SEMA6D: variants seen among roughly 807,000 people sequenced by gnomAD.
SEMA6D encodes the protein semaphorin 6D, also known as semaphorin-6D.
In SEMA6D, 35 loss-of-function variants were observed where a neutral mutation model predicts 106.6. The observed-to-expected ratio is 0.33, with a 90% confidence interval of 0.25 to 0.44. The LOEUF is 0.44. Among genes scored for constraint, SEMA6D ranks in the 20% least tolerant of loss-of-function variants. The probability of loss-of-function intolerance (pLI) is 1.00; values close to 1 mark genes in which losing one functional copy is unlikely to be tolerated. For missense variants in SEMA6D, 1,185 were observed against 1,345.9 expected (o/e 0.88, Z 1.87); for synonymous variants, 499 against 487.7 (o/e 1.02, Z -0.31).
chr15:47,446,655 G>A (rs1460029491), intron 2 of SEMA6D, among the ~76,000 whole-genome samples: 1 of 151,998 alleles, frequency 6.6e-6, no homozygotes, highest in Non-Finnish European at 1.5e-5. Context: ...TCTTTTCAAT[G>A]TTATTTTAAT....
intron 4 of SEMA6D, among the ~76,000 whole-genome samples, chr15:47,642,762 G>T (rs755500984): frequency 3.9e-5 from 6 of 152,152 alleles, no homozygotes; most frequent in African/African-American, 7.2e-5. Context: ...GGCCATCTCC[G>T]AAAGGGCAGG....
intron 3 of SEMA6D, among the ~76,000 whole-genome samples, chr15:47,584,191 G>A (rs537946145): frequency 1.2e-4 from 19 of 152,222 alleles, no homozygotes; most frequent in African/African-American, 4.6e-4. Flanking sequence ...GGGAGTCCAG[G>A]GCAGATGGAT....
intron 3 of SEMA6D, among the ~76,000 whole-genome samples, chr15:47,497,778 C>A (rs2043717832): frequency 6.6e-6 from 1 of 152,056 alleles, no homozygotes; most frequent in Non-Finnish European, 1.5e-5. Flanking sequence ...ACTGTAGTAC[C>A]ATACTATCAT....
intron 1 of SEMA6D, among the ~76,000 whole-genome samples, chr15:47,202,473 C>CA (rs1227869773): frequency 6.6e-6 from 1 of 152,062 alleles, no homozygotes; most frequent in African/African-American, 2.4e-5. Context: ...CTCCAGTAGA[C>CA]ACACTGTACA....
At chr15:47,569,765 T>G (rs1183810170) in intron 3 of SEMA6D, among the ~76,000 whole-genome samples, 2 of 152,090 alleles carry the variant, frequency 1.3e-5, no homozygotes, top group African/African-American at 4.8e-5. Context: ...ATGGATCATT[T>G]TATAAGGATT....
At chr15:47,700,160 T>C (rs2078780782) in intron 4 of SEMA6D, among the ~76,000 whole-genome samples, 1 of 152,206 alleles carries the variant, frequency 6.6e-6, no homozygotes, top group Non-Finnish European at 1.5e-5. Context: ...GGATATTCAA[T>C]GTTCATGGAT....
intron 1 of SEMA6D, among the ~76,000 whole-genome samples, chr15:47,348,727 C>CACCACACACAGAGAGAG (rs1450109233): frequency 3.5e-5 from 2 of 57,054 alleles, no homozygotes; most frequent in African/African-American, 9.9e-5. Flanking sequence ...ACCACACACA[C>CACCACACACAGAGAGAG]AGAGAGAGAG....
chr15:47,722,124 G>A, intron 1 of SEMA6D, among the ~76,000 whole-genome samples: 1 of 152,094 alleles, frequency 6.6e-6, no homozygotes, highest in East Asian at 1.9e-4. Flanking sequence ...TTGCCACCTT[G>A]CAATGGTGTG....
chr15:47,669,926 G>T (rs1013554741), intron 4 of SEMA6D, among the ~76,000 whole-genome samples: 11 of 152,182 alleles, frequency 7.2e-5, no homozygotes, highest in Non-Finnish European at 1.5e-4. Flanking sequence ...GTGAGGTTTT[G>T]ATAACTTTTG....
At chr15:47,429,113 C>A (rs1163152491) in intron 2 of SEMA6D, among the ~76,000 whole-genome samples, 1 of 151,914 alleles carries the variant, frequency 6.6e-6, no homozygotes, top group Non-Finnish European at 1.5e-5. Flanking sequence ...TGTAAGGCTT[C>A]CTGAGAAGAG....
intron 1 of SEMA6D, among the ~76,000 whole-genome samples, chr15:47,346,997 C>T (rs1172600386): frequency 1.3e-5 from 2 of 152,126 alleles, no homozygotes; most frequent in Non-Finnish European, 2.9e-5. Flanking sequence ...CAACTTCCCC[C>T]TCCCGGGTTC....
intron 2 of SEMA6D, among the ~76,000 whole-genome samples, chr15:47,454,520 C>G (rs2042286091): frequency 6.6e-6 from 1 of 151,754 alleles, no homozygotes; most frequent in African/African-American, 2.4e-5. Flanking sequence ...GAGATGGGCA[C>G]TGGAGGTGAA....
intron 4 of SEMA6D, among the ~76,000 whole-genome samples, chr15:47,636,171 T>C (rs1029642816): frequency 6.6e-6 from 1 of 152,162 alleles, no homozygotes; most frequent in African/African-American, 2.4e-5. Flanking sequence ...ATTGTGGTGA[T>C]GGTTACACGA....
chr15:47,251,152 TC>T (rs765779917), intron 1 of SEMA6D, among the ~76,000 whole-genome samples: 6 of 152,124 alleles, frequency 3.9e-5, no homozygotes, highest in Non-Finnish European at 5.9e-5. Flanking sequence ...CAGAAGCCTT[TC>T]CTTTATGAAA....
intron 1 of SEMA6D, among the ~76,000 whole-genome samples, chr15:47,215,434 GTA>G (rs2030488521): frequency 1.3e-5 from 2 of 152,008 alleles, no homozygotes; most frequent in Admixed American, 1.3e-4. Context: ...TTCAAATAAT[GTA>G]TGTGTTTTAA....
At chr15:47,705,612 T>C (rs1326816743) in intron 4 of SEMA6D, among the ~76,000 whole-genome samples, 1 of 152,096 alleles carries the variant, frequency 6.6e-6, no homozygotes, top group Non-Finnish European at 1.5e-5. Flanking sequence ...TCTCTCTCAT[T>C]TCCTCCTTCA....
chr15:47,212,705 T>C (rs1006708384), intron 1 of SEMA6D, among the ~76,000 whole-genome samples: 2 of 152,188 alleles, frequency 1.3e-5, no homozygotes, highest in Non-Finnish European at 2.9e-5. Flanking sequence ...TTTGCATGTC[T>C]TAATGACATG....
At chr15:47,724,685 C>G (rs1029994637) in intron 1 of SEMA6D, among the ~76,000 whole-genome samples, 2 of 152,096 alleles carry the variant, frequency 1.3e-5, no homozygotes, top group African/African-American at 4.8e-5. Context: ...ATATTTATGC[C>G]CTTACCTACA....
At chr15:47,327,725 A>C (rs7497188) in intron 1 of SEMA6D, among the ~76,000 whole-genome samples, 1 of 151,944 alleles carries the variant, frequency 6.6e-6, no homozygotes, top group African/African-American at 2.4e-5. Flanking sequence ...GGACTGGGAA[A>C]TACCGTTGGT....
Sources: allele counts gnomAD v4.1 joint callset (sites outside exome capture counted in the v4.1 genomes callset), GRCh38; gene constraint gnomAD v4.1.1; transcripts MANE v1.5; gene names NCBI Gene and HGNC (gene_info 2026-07-23, HGNC 2026-07-21).